Variants in CXCL16 observed in about 807,000 individuals in gnomAD.
CXCL16 encodes C-X-C motif chemokine 16.
CXCL16 carries 18 observed loss-of-function variants against 23.8 expected under a neutral mutation model. The ratio of observed to expected loss-of-function variants is 0.76; its 90% CI spans 0.52 to 1.12. The LOEUF is 1.12. Ranked by LOEUF, CXCL16 falls within the 50% of genes most tolerant of loss-of-function variation. CXCL16 has a pLI of 0.00. For missense variants in CXCL16, 297 were observed against 315.4 expected (o/e 0.94, Z 0.44); for synonymous variants, 123 against 132.5 (o/e 0.93, Z 0.49).
chr17:4,737,575 T>TAAA (rs55694753), intron 3 of CXCL16, among the ~76,000 whole-genome samples: 8 of 42,020 alleles, frequency 1.9e-4, no homozygotes, highest in Non-Finnish European at 3.1e-4. Flanking sequence ...AAGACTCCAT[T>TAAA]AAAAAAAAAA....
Position 4,734,610 on chromosome 17 carries a change from G to T in CXCL16, c.761C>A (p.Thr254Asn). The T allele has an allele frequency of 1.2e-6, 2 of 1,610,636 alleles. No homozygotes were observed. The highest frequency in any genetic ancestry group is 1.7e-6 in the Non-Finnish European group (2 of 1,176,910). The change falls in exon 5 of 6, where the codon ACC (threonine) becomes AAC (asparagine). Residue 254 changes from threonine (T) to asparagine (N), a missense_variant. Thr to Asn is a moderately conservative substitution (Grantham distance 65, BLOSUM62 0). Transcript: ENST00000293778. ...TCACAAGCTTCCATTCTTGGCTCAG[G>T]TATTAGAGTCAGGTGCCACAGGTAT... ...HYIPVAPDSN[T>N]
chr17:4,736,131 G>A (rs187355844), intron 3 of CXCL16, among the ~76,000 whole-genome samples: 89 of 152,120 alleles, frequency 5.9e-4, no homozygotes, highest in Non-Finnish European at 1.1e-3. Context: ...ATAAATGGGG[G>A]GTGGGGGACC....
At chr17:4,736,418 A>T (rs1382081040) in intron 3 of CXCL16, 1 of 152,360 alleles carries the variant, frequency 6.6e-6, no homozygotes, top group Non-Finnish European at 1.5e-5. Context: ...TGACAGACGG[A>T]AAAGGTAGGG....
In CXCL16 at chr17:4,734,443, G is replaced by A. The variant is rs902188099; in HGVS notation, c.*60C>T. ...AAGGTGGGAGGATCACTTGACTCAG[G>A]AGTTCCATAACAGCCTGGGCAACAT... On this transcript the variant is annotated 3_prime_UTR_variant, in exon 6 of 6. Transcript: ENST00000293778. The A allele has an allele frequency of 1.8e-6, 1 of 548,312 alleles. No individual in the cohort carries two copies. Among genetic ancestry groups the A allele is most frequent in the African/African-American group, 1.9e-5 (1 of 53,118 alleles). 34.0% of individuals were successfully genotyped at this position (548,312 alleles called of 1,614,324 possible). A position where few individuals can be genotyped will look rare whatever the true frequency, so the allele number is the denominator to read the frequency against.
Position 4,739,547 on chromosome 17 carries a change from C to T in CXCL16, c.-208G>A. The T allele has an allele frequency of 1.3e-6, 1 of 743,880 alleles. No individual in the cohort carries two copies. The highest frequency in any genetic ancestry group is 1.9e-5 in the South Asian group (1 of 51,728). 46.1% of individuals were successfully genotyped at this position (743,880 alleles called of 1,614,324 possible). A position where few individuals can be genotyped will look rare whatever the true frequency, so the allele number is the denominator to read the frequency against. ...CAGTACTCGGCCCGCGCCATGCCAG[C>T]CTCTGGACGCAGGGAAAGCCGAGGA... On this transcript the variant is annotated 5_prime_UTR_variant, in exon 1 of 6. Coordinates refer to ENST00000293778, the MANE Select transcript of CXCL16 (RefSeq NM_001386809.1). This position sits in a 1 kb window ranked among gnomAD's most constrained non-coding sequence, Gnocchi z 5.3.
Position 4,735,364 on chromosome 17 carries a change from T to C in CXCL16, c.446A>G (p.Gln149Arg). Reference sequence around the variant, plus strand: ...TGATCCTACTGGGAGGGTGGGGCGCTGAGTGGACTGCAAGGTGGACAGGAG... The same window carrying C: ...TGATCCTACTGGGAGGGTGGGGCGCCGAGTGGACTGCAAGGTGGACAGGAG... The part of the protein sequence containing the change: ...QMLLSTLQST[Q>R]RPTLPVGSLS... The change falls in exon 4 of 6, where the codon CAG (glutamine) becomes CGG (arginine). Residue 149 changes from glutamine (Q) to arginine (R), a missense_variant. Gln to Arg is a conservative substitution (Grantham distance 43). Transcript: ENST00000293778. 6.3e-7 allele frequency: 1 copy of C among 1,595,378 alleles called. No homozygotes were observed. Among genetic ancestry groups the C allele is most frequent in the Non-Finnish European group, 8.6e-7 (1 of 1,168,368 alleles).
In CXCL16 at chr17:4,739,514, C is replaced by T. The variant is rs1343529768; in HGVS notation, c.-175G>A. 3.1e-6 allele frequency: 3 copies of T among 952,738 alleles called. No homozygotes were observed. The African/African-American group carries it at 5.0e-5, about 16-fold the overall frequency. 59.0% of individuals were successfully genotyped at this position (952,738 alleles called of 1,614,324 possible). A position where few individuals can be genotyped will look rare whatever the true frequency, so the allele number is the denominator to read the frequency against. On this transcript the variant is annotated 5_prime_UTR_variant, in exon 1 of 6. Transcript: ENST00000293778. The surrounding 1 kb of genome is among the most constrained non-coding windows in gnomAD (Gnocchi z 5.3). ...CCCCCCGGCCCTGCTGTGCCCCGAC[C>T]GTGCGCTCAGTACTCGGCCCGCGCC... is the stretch of plus-strand genomic sequence containing the variant.
At position 4,739,210 on chromosome 17, in the gene CXCL16, C is replaced by T. The variant is rs1479893563; in HGVS notation, c.79+51G>A. On this transcript the variant is annotated intron_variant, in intron 1 of 5. Transcript: ENST00000293778. The surrounding 1 kb of genome is among the most constrained non-coding windows in gnomAD (Gnocchi z 5.3). The stretch of plus-strand genomic sequence containing the variant: ...GCCTCGTGTCCCCTCCCCAACTCAC[C>T]CCCTTCCCGTGACAGGGGAATCTGG... The T allele has an allele frequency of 1.9e-6, 3 of 1,552,646 alleles. No homozygotes were observed. Among genetic ancestry groups the T allele is most frequent in the Middle Eastern group, 1.7e-4 (1 of 5,734 alleles).
Position 4,738,732 on chromosome 17 carries a change from G to T in CXCL16, c.218+50C>A. 1 of 1,594,936 alleles carries T rather than the reference G, an allele frequency of 6.3e-7. No homozygotes were observed. The highest frequency in any genetic ancestry group is 8.6e-7 in the Non-Finnish European group (1 of 1,165,950). On this transcript the variant is annotated intron_variant, in intron 2 of 5. Transcript: ENST00000293778. The surrounding 1 kb of genome is among the most constrained non-coding windows in gnomAD (Gnocchi z 4.0). Reference sequence around the variant, plus strand: ...ACCAGAGAGGGTCCTGGAGGCACCTGCAAGGAGGGGCCGCCCAGGCGCTGC... The same window carrying T: ...ACCAGAGAGGGTCCTGGAGGCACCTTCAAGGAGGGGCCGCCCAGGCGCTGC...
intron 5 of CXCL16, 28 bp downstream of exon 5, chr17:4,734,555 C>G (rs1172800790): frequency 2.6e-5 from 39 of 1,474,080 alleles, no homozygotes; most frequent in Non-Finnish European, 3.5e-5. Flanking sequence ...CTTTATTACA[C>G]TTTTTGTAAG....
Position 4,739,510 on chromosome 17 carries a change from C to T in CXCL16, c.-171G>A, listed in dbSNP as rs1301301367. 1.3e-5 allele frequency: 13 copies of T among 979,288 alleles called. No individual in the cohort carries two copies. Among genetic ancestry groups the T allele is most frequent in the Non-Finnish European group, 2.0e-5 (13 of 666,378 alleles). 60.7% of individuals were successfully genotyped at this position (979,288 alleles called of 1,614,324 possible). A position where few individuals can be genotyped will look rare whatever the true frequency, so the allele number is the denominator to read the frequency against. ...TGCACCCCCCGGCCCTGCTGTGCCC[C>T]GACCGTGCGCTCAGTACTCGGCCCG... On this transcript the variant is annotated 5_prime_UTR_variant, in exon 1 of 6. Coordinates refer to ENST00000293778, the MANE Select transcript of CXCL16 (RefSeq NM_001386809.1). This position sits in a 1 kb window ranked among gnomAD's most constrained non-coding sequence, Gnocchi z 5.3.
chr17:4,739,653 A>T lies in CXCL16; in HGVS notation c.-314T>A, dbSNP rs909165961. 27 of 713,802 alleles carry T rather than the reference A, an allele frequency of 3.8e-5. No homozygotes were observed. Among genetic ancestry groups the T allele is most frequent in the Admixed American group, 1.2e-4 (3 of 25,616 alleles). The allele number at this position is 713,802 out of a possible 1,614,324, so 44.2% of individuals were successfully genotyped here. A position where few individuals can be genotyped will look rare whatever the true frequency, so the allele number is the denominator to read the frequency against. On this transcript the variant is annotated 5_prime_UTR_variant, in exon 1 of 6. Transcript: ENST00000293778. This position sits in a 1 kb window ranked among gnomAD's most constrained non-coding sequence, Gnocchi z 5.3. ...GCCAGGAATCTTGGAAGAAACCGAA[A>T]GAAAACTCCGGCGGCGGGCGAGGAG... is the stretch of plus-strand genomic sequence containing the variant.
chr17:4,739,311 C>T lies in CXCL16; in HGVS notation c.29G>A (p.Arg10His). 1 of 1,612,104 alleles carries T rather than the reference C, an allele frequency of 6.2e-7. No homozygotes were observed. Among genetic ancestry groups the T allele is most frequent in the Non-Finnish European group, 8.5e-7 (1 of 1,179,168 alleles). Residue 10 changes from arginine to histidine, a missense_variant, in exon 1 of 6, where the codon CGC (arginine) becomes CAC (histidine). Transcript: ENST00000293778. This position sits in a 1 kb window ranked among gnomAD's most constrained non-coding sequence, Gnocchi z 5.3. Reference protein sequence around the residue: MGRDLRPGSRVLLLLLLLLL... With the variant: MGRDLRPGSHVLLLLLLLLL... ...GAGCAGAAGCAGGAGCAGGAGCACGCGGGACCCGGGCCGCAAGTCCCGTCC... is the reference window on the plus strand; with the variant it reads ...GAGCAGAAGCAGGAGCAGGAGCACGTGGGACCCGGGCCGCAAGTCCCGTCC...
chr17:4,734,577 G>C lies in CXCL16; in HGVS notation c.*23+6C>G. On this transcript the variant is annotated splice_donor_region_variant and intron_variant, in intron 5 of 5. Coordinates refer to ENST00000293778, the MANE Select transcript of CXCL16 (RefSeq NM_001386809.1). ...ACACTTTTTGTAAGAATAAGCCACAGTTTACCCTCACAAGCTTCCATTCTT... is the reference window on the plus strand; with the variant it reads ...ACACTTTTTGTAAGAATAAGCCACACTTTACCCTCACAAGCTTCCATTCTT... 6.3e-7 allele frequency: 1 copy of C among 1,578,940 alleles called. No individual in the cohort carries two copies. The highest frequency in any genetic ancestry group is 8.7e-7 in the Non-Finnish European group (1 of 1,148,036).
chr17:4,739,905 G>A lies in CXCL16; in HGVS notation c.-566C>T. 1 of 985,400 alleles carries A rather than the reference G, an allele frequency of 1.0e-6. No individual in the cohort carries two copies. Among genetic ancestry groups the A allele is most frequent in the Non-Finnish European group, 1.2e-6 (1 of 830,050 alleles). 61.0% of individuals were successfully genotyped at this position (985,400 alleles called of 1,614,324 possible). A position where few individuals can be genotyped will look rare whatever the true frequency, so the allele number is the denominator to read the frequency against. ...GCCAGCCCCGGCCGCGCGCACCTGC[G>A]GGGCAGCCACCCGCGGACGCACCGA... On this transcript the variant is annotated 5_prime_UTR_variant, in exon 1 of 6. Coordinates refer to ENST00000293778, the MANE Select transcript of CXCL16 (RefSeq NM_001386809.1). This position sits in a 1 kb window ranked among gnomAD's most constrained non-coding sequence, Gnocchi z 5.3.
rs61463072 is a variant in CXCL16 at position 4,735,235 on chromosome 17, G to A, written c.575C>T (p.Pro192Leu). ...GPEAGENQKQ[P>L]EKNAGPTART... Reference sequence around the variant, plus strand: ...GGCTGTGGGACCAGCATTTTTTTCCGGCTGCTTCTGGTTCTCCCCAGCCTC... The same window carrying A: ...GGCTGTGGGACCAGCATTTTTTTCCAGCTGCTTCTGGTTCTCCCCAGCCTC... The change falls in exon 4 of 6, where the codon CCG (proline) becomes CTG (leucine). Residue 192 changes from proline to leucine, a missense_variant. Transcript: ENST00000293778. The A allele has an allele frequency of 2.3e-3, 3,708 of 1,614,044 alleles. 51 individuals carry two copies. In the African/African-American group the frequency reaches 0.034, roughly 15 times the overall value.
Position 4,735,126 on chromosome 17 carries a change from C to T in CXCL16, c.684G>A (p.Lys228=). Residue 228 remains lysine (K), a synonymous_variant, in exon 4 of 6, where the codon AAG becomes AAA. Coordinates refer to ENST00000293778, the MANE Select transcript of CXCL16 (RefSeq NM_001386809.1). ...ACTGCGGTGACTGCCCCCTCCTCCT[C>T]TTGCACAGCACATAGGAAAGGGCTG... The part of the protein sequence containing the change: ...LTAALSYVLC[K]RRRGQSPQSS... 1 of 1,613,090 alleles carries T rather than the reference C, an allele frequency of 6.2e-7. No individual in the cohort carries two copies. The highest frequency in any genetic ancestry group is 1.1e-5 in the South Asian group (1 of 91,080).
At chr17:4,736,685 G>A (rs1012760924) in intron 3 of CXCL16, among the ~76,000 whole-genome samples, 1 of 152,134 alleles carries the variant, frequency 6.6e-6, no homozygotes, top group African/African-American at 2.4e-5. Context: ...AAGGCAGTAT[G>A]GATGACACAG....
Position 4,739,421 on chromosome 17 carries a change from GT to G in CXCL16, c.-83del, listed in dbSNP as rs767249912. 2.5e-6 allele frequency: 4 copies of G among 1,602,174 alleles called. No individual in the cohort carries two copies. The Admixed American group carries it at 6.7e-5, about 27-fold the overall frequency. On this transcript the variant is annotated 5_prime_UTR_variant, in exon 1 of 6. Coordinates refer to ENST00000293778, the MANE Select transcript of CXCL16 (RefSeq NM_001386809.1). This position sits in a 1 kb window ranked among gnomAD's most constrained non-coding sequence, Gnocchi z 5.3. ...TGCTCCGGCGCGTGACGTCCAGCTG[GT>G]GTCTCAATGGCTTTCGCCGGGGACC...
Sources: gnomAD v4.1 joint callset for allele counts (sites outside exome capture counted in the v4.1 genomes callset) on GRCh38, gnomAD v4.1.1 for gene constraint, Gnocchi (gnomAD v3.1) non-coding constraint, MANE v1.5 for transcripts, NCBI Gene and HGNC (gene_info 2026-07-23, HGNC 2026-07-21) for gene names.